The following CACNB4 variants were observed in gnomAD, a reference collection of about 807,000 sequenced individuals.
CACNB4 encodes the protein calcium voltage-gated channel auxiliary subunit beta 4, also known as voltage-dependent L-type calcium channel subunit beta-4.
CACNB4 carries 32 observed loss-of-function variants against 71.2 expected under a neutral mutation model. That is an observed-to-expected ratio of 0.45 (90% confidence interval 0.34 to 0.60). CACNB4 has a LOEUF of 0.60. Among genes scored for constraint, CACNB4 ranks in the 20% least tolerant of loss-of-function variants. The pLI is 0.01. For synonymous variants in CACNB4, 231 were observed against 236.9 expected, an observed-to-expected ratio of 0.97 and a Z score of 0.23; for missense variants, 464 against 647.9, an observed-to-expected ratio of 0.72 and a Z score of 3.08.
chr2:152,040,840 G>A (rs946605152), intron 2 of CACNB4, among the ~76,000 whole-genome samples: 8 of 152,186 alleles, frequency 5.3e-5, no homozygotes, highest in South Asian at 2.1e-4. Context: ...ATATGCTGCC[G>A]GTGCCAAATG....
intron 2 of CACNB4, among the ~76,000 whole-genome samples, chr2:152,097,483 G>T (rs1169906107): frequency 6.6e-6 from 1 of 152,166 alleles, no homozygotes; most frequent in Non-Finnish European, 1.5e-5. Context: ...CTGTTCCAAA[G>T]AAAGATCAAG....
At chr2:151,981,921 G>A (rs894030847) in intron 2 of CACNB4, among the ~76,000 whole-genome samples, 1 of 152,064 alleles carries the variant, frequency 6.6e-6, no homozygotes, top group South Asian at 2.1e-4. Context: ...TTAGAGTAGC[G>A]ACACTCATTC....
At chr2:151,880,640 C>G in intron 4 of CACNB4, 160 bp downstream of exon 4, 1 of 694,730 alleles carries the variant, frequency 1.4e-6, no homozygotes, top group Non-Finnish European at 2.4e-6. Flanking sequence ...TCAGACTTCT[C>G]AATCTTAATG....
chr2:151,976,373 G>A (rs559601891), intron 2 of CACNB4, among the ~76,000 whole-genome samples: 13 of 152,300 alleles, frequency 8.5e-5, no homozygotes, highest in South Asian at 8.3e-4. Flanking sequence ...CACTTCCTCC[G>A]TGATAAGAGT....
intron 2 of CACNB4, among the ~76,000 whole-genome samples, chr2:152,070,010 T>G (rs1287260464): frequency 6.6e-6 from 1 of 151,780 alleles, no homozygotes; most frequent in Non-Finnish European, 1.5e-5. Flanking sequence ...GCCTGGCTAA[T>G]TTTTTTGTAT....
chr2:152,050,278 A>T (rs1685354641), intron 2 of CACNB4, among the ~76,000 whole-genome samples: 1 of 152,202 alleles, frequency 6.6e-6, no homozygotes, highest in Admixed American at 6.5e-5. Flanking sequence ...CTGGTCAGAA[A>T]TGTGATCATC....
rs2099860833 is a variant in CACNB4 at position 151,928,540 on chromosome 2, C to CT, written c.148-45171dup. Among the ~76,000 whole-genome samples, 7 of 152,312 alleles carry CT rather than the reference C, an allele frequency of 4.6e-5. No homozygotes were observed. The South Asian group carries it at 1.4e-3, about 32-fold the overall frequency. ...CACCCATTTCTACCTCCTTGAGAAACTGAGTTGCCCAAGTAGTCAGAAAGG... is the reference window on the plus strand; with the variant it reads ...CACCCATTTCTACCTCCTTGAGAAACTTGAGTTGCCCAAGTAGTCAGAAAGG... On this transcript the variant is annotated intron_variant, in intron 2 of 13. Transcript: ENST00000539935.
chr2:152,098,428 C>T lies in CACNB4; in HGVS notation c.64-15G>A. On this transcript the variant is annotated splice_polypyrimidine_tract_variant and intron_variant, in intron 1 of 13. Coordinates refer to ENST00000539935, the MANE Select transcript of CACNB4 (RefSeq NM_000726.5). This position sits in a 1 kb window ranked among gnomAD's most constrained non-coding sequence, Gnocchi z 5.3. Reference sequence around the variant, plus strand: ...CCTCGGGCCACCTGGACTCGACACACGGGGGCCAGAGAGAAGCCGGTGAGG... The same window carrying T: ...CCTCGGGCCACCTGGACTCGACACATGGGGGCCAGAGAGAAGCCGGTGAGG... The T allele has an allele frequency of 3.1e-6, 5 of 1,605,812 alleles. No individual in the cohort carries two copies. Among genetic ancestry groups the T allele is most frequent in the Non-Finnish European group, 4.3e-6 (5 of 1,172,880 alleles).
intron 2 of CACNB4, among the ~76,000 whole-genome samples, chr2:152,019,685 T>C (rs1369845021): frequency 6.6e-6 from 1 of 152,196 alleles, no homozygotes; most frequent in East Asian, 1.9e-4. Flanking sequence ...TAAAAGAGGT[T>C]AAATGGCAAG....
At chr2:151,958,951 T>C (rs1478501561) in intron 2 of CACNB4, among the ~76,000 whole-genome samples, 1 of 152,234 alleles carries the variant, frequency 6.6e-6, no homozygotes, top group African/African-American at 2.4e-5. Flanking sequence ...TAGGTATTTT[T>C]AAATGTAGGT....
At position 152,062,659 on chromosome 2, in the gene CACNB4, T is replaced by C. The variant is rs1011131732; in HGVS notation, c.147+35671A>G. 1.1e-4 allele frequency among the ~76,000 whole-genome samples: 16 copies of C among 152,128 alleles called. No homozygotes were observed. In the East Asian group the frequency reaches 3.1e-3, roughly 29 times the overall value. ...CACGGAGCACTGAACGTGGAACGGC[T>C]CTCTTTCCACCAGCTTTGGAGCAGC... is the stretch of plus-strand genomic sequence containing the variant. On this transcript the variant is annotated intron_variant, in intron 2 of 13. Transcript: ENST00000539935.
At chr2:151,942,113 CAGAT>C (rs1439162425) in intron 2 of CACNB4, among the ~76,000 whole-genome samples, 1 of 136,348 alleles carries the variant, frequency 7.3e-6, no homozygotes, top group Non-Finnish European at 1.5e-5. Context: ...ACTGTGTGAA[CAGAT>C]AGATTCTCCA....
At chr2:151,880,120 T>G (rs753557132) in intron 4 of CACNB4, 1 of 152,290 alleles carries the variant, frequency 6.6e-6, no homozygotes, top group East Asian at 1.9e-4. Context: ...ATGGTTGAAG[T>G]TGATGGGTCC....
intron 9 of CACNB4, chr2:151,861,027 C>A: frequency 1.9e-6 from 1 of 535,972 alleles, no homozygotes. Context: ...AACTGTTTCA[C>A]ACACAAAAAA....
intron 2 of CACNB4, among the ~76,000 whole-genome samples, chr2:152,056,612 TAG>T (rs1685744185): frequency 6.6e-6 from 1 of 152,184 alleles, no homozygotes; most frequent in South Asian, 2.1e-4. Context: ...AGGCAATTAA[TAG>T]ACTCTACCTG....
chr2:151,940,061 A>G (rs2099863854), intron 2 of CACNB4, among the ~76,000 whole-genome samples: 1 of 152,246 alleles, frequency 6.6e-6, no homozygotes, highest in Admixed American at 6.5e-5. Context: ...TGCCCAAATA[A>G]TGATTCTTAG....
intron 2 of CACNB4, among the ~76,000 whole-genome samples, chr2:152,085,226 G>A (rs1293129112): frequency 6.6e-6 from 1 of 152,104 alleles, no homozygotes; most frequent in Non-Finnish European, 1.5e-5. Flanking sequence ...AGGCAGAGGG[G>A]AGGGAAGGGG....
At chr2:151,955,863 C>CAGGA (rs1447968207) in intron 2 of CACNB4, among the ~76,000 whole-genome samples, 1 of 151,646 alleles carries the variant, frequency 6.6e-6, no homozygotes, top group Non-Finnish European at 1.5e-5. Context: ...GATTGCACTA[C>CAGGA]TGCCCTCCAT....
At chr2:151,957,301 T>TGTGTGTGTGTCC (rs70974811) in intron 2 of CACNB4, among the ~76,000 whole-genome samples, 4 of 151,214 alleles carry the variant, frequency 2.6e-5, no homozygotes, top group African/African-American at 9.7e-5. Flanking sequence ...TGTGTGTGTG[T>TGTGTGTGTGTCC]CCCTTGGGAA....
Sources: gnomAD v4.1 joint callset for allele counts (sites outside exome capture counted in the v4.1 genomes callset) on GRCh38, gnomAD v4.1.1 for gene constraint, Gnocchi (gnomAD v3.1) non-coding constraint, MANE v1.5 for transcripts, NCBI Gene and HGNC (gene_info 2026-07-23, HGNC 2026-07-21) for gene names.